The following KAZN variants were observed in gnomAD, a reference collection of about 807,000 sequenced individuals.
The protein encoded by KAZN is kazrin, periplakin interacting protein.
KAZN carries 40 observed loss-of-function variants against 87.4 expected under a neutral mutation model. The ratio of observed to expected loss-of-function variants is 0.46; its 90% CI spans 0.36 to 0.60. The LOEUF is 0.60. Among genes scored for constraint, KAZN ranks in the 20% least tolerant of loss-of-function variants. The probability of loss-of-function intolerance (pLI) is 0.00; values close to 1 mark genes in which losing one functional copy is unlikely to be tolerated. For synonymous variants in KAZN, 466 were observed against 458.3 expected (o/e 1.02, Z -0.22); for missense variants, 898 against 1,073.9 (o/e 0.84, Z 2.29).
At chr1:14,709,762 A>G (rs757388389) in intron 1 of KAZN, among the ~76,000 whole-genome samples, 12 of 152,182 alleles carry the variant, frequency 7.9e-5, no homozygotes, top group Non-Finnish European at 1.8e-4. Flanking sequence ...GGGGAGACAA[A>G]TGACACCTGA....
chr1:14,735,931 T>C lies in KAZN; in HGVS notation c.226+136708T>C, dbSNP rs1643884912. On this transcript the variant is annotated intron_variant, in intron 1 of 14. Transcript: ENST00000376030. The surrounding 1 kb of genome is among the most constrained non-coding windows in gnomAD (Gnocchi z 4.3). ...CTGTGGCCATAGAAGAATAAAAGCT[T>C]TGGGGGGAATGTGGAGCCCCCGCAG... 6.6e-6 allele frequency among the ~76,000 whole-genome samples: 1 copy of C among 152,164 alleles called. No homozygotes were observed. The highest frequency in any genetic ancestry group is 6.5e-5 in the Admixed American group (1 of 15,276).
intron 1 of KAZN, among the ~76,000 whole-genome samples, chr1:14,168,567 G>T (rs1415011329): frequency 2.0e-5 from 3 of 152,166 alleles, no homozygotes; most frequent in African/African-American, 7.2e-5. Flanking sequence ...CTTCCTCATG[G>T]CAACAGTGGA....
rs535008170 is a variant in KAZN, at chr1:14,419,899, G to A, written c.250-179084G>A. ...CAGACAGTGAGACCCCAAAGAGCGAGCAACAATGGGATTTATTGCAAAGAG... is the reference window on the plus strand; with the variant it reads ...CAGACAGTGAGACCCCAAAGAGCGAACAACAATGGGATTTATTGCAAAGAG... On this transcript the variant is annotated intron_variant, in intron 2 of 16. Coordinates refer to the KAZN transcript ENST00000636203. Among the ~76,000 whole-genome samples the A allele has an allele frequency of 1.4e-3, 211 of 152,280 alleles. 2 individuals carry two copies. Among genetic ancestry groups the A allele is most frequent in the Non-Finnish European group, 1.6e-3 (109 of 68,032 alleles).
At chr1:13,931,632 A>G (rs920849716) in intron 1 of KAZN, among the ~76,000 whole-genome samples, 1 of 152,128 alleles carries the variant, frequency 6.6e-6, no homozygotes, top group African/African-American at 2.4e-5. Flanking sequence ...TAATAAGAGA[A>G]GATAAAACGT....
In KAZN at chr1:14,940,898, C is replaced by CTTTTT. The variant is rs66777443; in HGVS notation, c.227-19759_227-19755dup. On this transcript the variant is annotated intron_variant, in intron 1 of 14. Transcript: ENST00000376030. ...ACCAGACAGATGTCATTCTACCTTTCTTTTTTTTTTTTTTTTTTTTTTTTT... is the reference window on the plus strand; with the variant it reads ...ACCAGACAGATGTCATTCTACCTTTCTTTTTTTTTTTTTTTTTTTTTTTTTTTTTT... Among the ~76,000 whole-genome samples the CTTTTT allele has an allele frequency of 8.5e-3, 464 of 54,376 alleles. 17 individuals carry two copies. Among genetic ancestry groups the CTTTTT allele is most frequent in the Non-Finnish European group, 9.8e-3 (298 of 30,254 alleles). 35.7% of individuals were successfully genotyped at this position (54,376 alleles called of 152,430 possible). A position where few individuals can be genotyped will look rare whatever the true frequency, so the allele number is the denominator to read the frequency against.
intron 1 of KAZN, among the ~76,000 whole-genome samples, chr1:14,788,108 T>C (rs61772279): frequency 0.093 from 14,167 of 152,176 alleles, 736 homozygotes; most frequent in Middle Eastern, 0.14. Context: ...CAGCAGAGCA[T>C]TAAAGCACAC....
chr1:13,906,375 C>T (rs1375183546), intron 1 of KAZN, among the ~76,000 whole-genome samples: 1 of 152,166 alleles, frequency 6.6e-6, no homozygotes, highest in Non-Finnish European at 1.5e-5. Flanking sequence ...TACAGAGCCT[C>T]CTGGGGGCGG....
chr1:14,437,697 C>G (rs1373667219), intron 2 of KAZN, among the ~76,000 whole-genome samples: 2 of 152,232 alleles, frequency 1.3e-5, no homozygotes, highest in South Asian at 4.2e-4. Context: ...GCCCGTGGGT[C>G]GGACATGAGA....
At chr1:14,262,216 C>T (rs758743338) in intron 2 of KAZN, among the ~76,000 whole-genome samples, 20 of 152,066 alleles carry the variant, frequency 1.3e-4, no homozygotes, top group East Asian at 1.9e-4. Flanking sequence ...GAGTTTGAGA[C>T]GAGCCCTAGC....
chr1:14,980,716 G>A (rs1426308571), intron 2 of KAZN, among the ~76,000 whole-genome samples: 1 of 152,170 alleles, frequency 6.6e-6, no homozygotes, highest in Non-Finnish European at 1.5e-5. Context: ...CAGAGAGGCA[G>A]GGGGTGTCTC....
chr1:13,916,222 C>T (rs1639845490), intron 1 of KAZN, among the ~76,000 whole-genome samples: 1 of 152,126 alleles, frequency 6.6e-6, no homozygotes, highest in South Asian at 2.1e-4. Flanking sequence ...AATCCCACAC[C>T]AGCCGCATAT....
At chr1:14,763,237 C>T (rs1209047085) in intron 1 of KAZN, among the ~76,000 whole-genome samples, 4 of 152,322 alleles carry the variant, frequency 2.6e-5, no homozygotes, top group South Asian at 2.1e-4. Context: ...TGACAGCAGT[C>T]GTACCATACA....
intron 1 of KAZN, among the ~76,000 whole-genome samples, chr1:14,666,698 C>T (rs917316925): frequency 6.6e-6 from 1 of 152,142 alleles, no homozygotes; most frequent in Non-Finnish European, 1.5e-5. Context: ...GTCCCTTTCT[C>T]CCTTTCACGG....
chr1:14,563,531 G>A (rs543532340), intron 2 of KAZN, among the ~76,000 whole-genome samples: 37 of 152,226 alleles, frequency 2.4e-4, no homozygotes, highest in African/African-American at 8.2e-4. Context: ...CTATCATGGC[G>A]AATTCATCAC....
intron 2 of KAZN, among the ~76,000 whole-genome samples, chr1:14,446,027 CA>C (rs34266613): frequency 0.022 from 2,992 of 137,048 alleles, 110 homozygotes; most frequent in African/African-American, 0.074. Context: ...CCCATCTCTA[CA>C]AAAAAAAAAA....
At chr1:14,220,631 C>T (rs1647075471) in intron 2 of KAZN, among the ~76,000 whole-genome samples, 1 of 152,196 alleles carries the variant, frequency 6.6e-6, no homozygotes, top group Non-Finnish European at 1.5e-5. Context: ...CACATTCAGG[C>T]TCCAGACCAG....
At chr1:15,093,614 T>C (rs1035858266) in intron 8 of KAZN, among the ~76,000 whole-genome samples, 5 of 152,206 alleles carry the variant, frequency 3.3e-5, no homozygotes, top group Non-Finnish European at 5.9e-5. Flanking sequence ...CATTTTTACA[T>C]AAGATAAAGA....
At chr1:14,645,453 A>G (rs188270088) in intron 1 of KAZN, among the ~76,000 whole-genome samples, 1 of 152,234 alleles carries the variant, frequency 6.6e-6, no homozygotes, top group East Asian at 1.9e-4. Flanking sequence ...GTTTTCCATT[A>G]GTTGTGTCTT....
At chr1:14,332,648 C>A (rs1053214410) in intron 2 of KAZN, among the ~76,000 whole-genome samples, 5 of 152,062 alleles carry the variant, frequency 3.3e-5, no homozygotes, top group Non-Finnish European at 7.4e-5. Flanking sequence ...TCCTATGGAA[C>A]AATCAGCATG....
Sources: gnomAD v4.1 joint callset for allele counts (sites outside exome capture counted in the v4.1 genomes callset) on GRCh38, gnomAD v4.1.1 for gene constraint, Gnocchi (gnomAD v3.1) non-coding constraint, MANE v1.5 for transcripts, NCBI Gene and HGNC (gene_info 2026-07-23, HGNC 2026-07-21) for gene names.